The following CD44 variants were observed in gnomAD, a reference collection of about 807,000 sequenced individuals.
CD44 encodes CD44 molecule (IN blood group), also known as CD44 antigen.
In CD44, 49 loss-of-function variants were observed where a neutral mutation model predicts 88.8. The observed-to-expected ratio is 0.55, with a 90% confidence interval of 0.44 to 0.70. CD44 has a LOEUF of 0.70. CD44 is among the 30% of genes least tolerant of loss of function. The pLI is 0.00. For missense variants in CD44, 883 were observed against 913.8 expected (o/e 0.97, Z 0.43); for synonymous variants, 325 against 312.3 (o/e 1.04, Z -0.43).
intron 12 of CD44, among the ~76,000 whole-genome samples, chr11:35,208,998 AT>A (rs1399745964): frequency 6.6e-6 from 1 of 152,238 alleles, no homozygotes; most frequent in African/African-American, 2.4e-5. Context: ...AGCGTTAAGC[AT>A]CAAAGGAGAT....
At chr11:35,208,028 A>G (rs1948045091) in intron 11 of CD44, 77 bp from the exon 12 acceptor site, 2 of 828,786 alleles carry the variant, frequency 2.4e-6, no homozygotes, top group Admixed American at 1.8e-5. Flanking sequence ...ATTTAAAAAA[A>G]TCAGCTGTAG....
At chr11:35,222,487 C>A (rs895404884) in intron 17 of CD44, 33 of 1,233,582 alleles carry the variant, frequency 2.7e-5, no homozygotes, top group Non-Finnish European at 3.2e-5. Flanking sequence ...TAAATGAAGA[C>A]AGTCACCTCG....
chr11:35,155,542 A>G (rs934009992), intron 1 of CD44, among the ~76,000 whole-genome samples: 1 of 152,226 alleles, frequency 6.6e-6, no homozygotes, highest in African/African-American at 2.4e-5. Flanking sequence ...CTTATACTCA[A>G]TGATAATACC....
chr11:35,168,332 C>T (rs925315474), intron 1 of CD44, among the ~76,000 whole-genome samples: 2 of 152,318 alleles, frequency 1.3e-5, no homozygotes, highest in Admixed American at 6.5e-5. Context: ...AAACCCAGGT[C>T]CCCCAGTGAC....
At chr11:35,184,418 C>T (rs1327035914) in intron 3 of CD44, among the ~76,000 whole-genome samples, 1 of 152,144 alleles carries the variant, frequency 6.6e-6, no homozygotes, top group Non-Finnish European at 1.5e-5. Flanking sequence ...TGTTTCATCC[C>T]TGGCATCAAG....
intron 1 of CD44, among the ~76,000 whole-genome samples, chr11:35,155,505 G>T (rs796696034): frequency 2.6e-5 from 4 of 152,242 alleles, no homozygotes; most frequent in African/African-American, 9.6e-5. Flanking sequence ...GGGACACACT[G>T]CAGTTTGAGG....
chr11:35,157,424 C>T (rs1420856366), intron 1 of CD44, among the ~76,000 whole-genome samples: 1 of 151,976 alleles, frequency 6.6e-6, no homozygotes, highest in Non-Finnish European at 1.5e-5. Flanking sequence ...CTATCTCTAT[C>T]TATTAATTAT....
chr11:35,184,136 G>T (rs563135458), intron 3 of CD44, among the ~76,000 whole-genome samples: 14 of 151,910 alleles, frequency 9.2e-5, no homozygotes, highest in African/African-American at 3.4e-4. Flanking sequence ...GGAAAGAAAG[G>T]CTATCTAATA....
chr11:35,157,327 CT>C (rs974494878), intron 1 of CD44, among the ~76,000 whole-genome samples: 16 of 123,404 alleles, frequency 1.3e-4, no homozygotes, highest in Non-Finnish European at 2.7e-4. Context: ...GTCTGTCTAT[CT>C]ATCTATCTAT....
At chr11:35,155,051 AGT>A (rs1169009665) in intron 1 of CD44, among the ~76,000 whole-genome samples, 1 of 152,198 alleles carries the variant, frequency 6.6e-6, no homozygotes, top group African/African-American at 2.4e-5. Context: ...CAGAAGAAAG[AGT>A]GTATATTCAC....
intron 14 of CD44, 78 bp downstream of exon 14, chr11:35,211,527 T>TCC: frequency 9.4e-7 from 1 of 1,063,388 alleles, no homozygotes; most frequent in Non-Finnish European, 1.4e-6. Context: ...AGAGGACATT[T>TCC]TCTGTGTAGT....
At position 35,139,257 on chromosome 11, in the gene CD44, G is replaced by T. The variant is rs1172673403; in HGVS notation, c.-47G>T. On this transcript the variant is annotated 5_prime_UTR_variant, in exon 1 of 18. Coordinates refer to ENST00000428726, the MANE Select transcript of CD44 (RefSeq NM_000610.4). The stretch of plus-strand genomic sequence containing the variant: ...CGCCGGCCCCTGCCCCGCGCCCAGG[G>T]ATCCTCCAGCTCCTTTCGCCCGCGC... 1 of 1,496,514 alleles carries T rather than the reference G, an allele frequency of 6.7e-7. No homozygotes were observed. The highest frequency in any genetic ancestry group is 9.1e-7 in the Non-Finnish European group (1 of 1,096,844). The allele number at this position is 1,496,514 out of a possible 1,614,324, so 92.7% of individuals were successfully genotyped here. A position where few individuals can be genotyped will look rare whatever the true frequency, so the allele number is the denominator to read the frequency against.
At position 35,221,712 on chromosome 11, in the gene CD44, T is replaced by C. The variant is rs781376203; in HGVS notation, c.2004T>C (p.Ile668=). ...LALALILAVC[I]AVNSRRRCGQ... ...TGGCTTTGATTCTTGCAGTTTGCAT[T>C]GCAGTCAACAGTCGAAGAAGGTAAG... Residue 668 remains isoleucine, a synonymous_variant, in exon 17 of 18, where the codon ATT becomes ATC. Transcript: ENST00000428726. 1.9e-6 allele frequency: 3 copies of C among 1,614,126 alleles called. No homozygotes were observed. Among genetic ancestry groups the C allele is most frequent in the Admixed American group, 3.3e-5 (2 of 60,028 alleles).
chr11:35,203,796 A>G (rs1947547734), intron 9 of CD44, among the ~76,000 whole-genome samples: 1 of 152,152 alleles, frequency 6.6e-6, no homozygotes, highest in East Asian at 1.9e-4. Context: ...TGATGGAATT[A>G]TATTCTCTTG....
chr11:35,229,576 G>A lies in CD44; in HGVS notation c.*243G>A, dbSNP rs1949958668. 4 of 496,840 alleles carry A rather than the reference G, an allele frequency of 8.1e-6. No homozygotes were observed. The highest frequency in any genetic ancestry group is 1.4e-5 in the Non-Finnish European group (4 of 277,134). The allele number at this position is 496,840 out of a possible 1,614,324, so 30.8% of individuals were successfully genotyped here. The stretch of plus-strand genomic sequence containing the variant: ...AATCAGCAAGAATTTGATCGTTCCA[G>A]TTCCCACTTGGAGGCCTTTCATCCC... On this transcript the variant is annotated 3_prime_UTR_variant, in exon 18 of 18. Coordinates refer to ENST00000428726, the MANE Select transcript of CD44 (RefSeq NM_000610.4).
chr11:35,181,421 G>T (rs1170525983), intron 3 of CD44, among the ~76,000 whole-genome samples: 1 of 151,820 alleles, frequency 6.6e-6, no homozygotes, highest in African/African-American at 2.4e-5. Flanking sequence ...AGAATTTTTT[G>T]AGAAGGATCA....
chr11:35,229,211 G>A lies in CD44; in HGVS notation c.2107G>A (p.Ala703Thr), dbSNP rs1411650225. The change falls in exon 18 of 18, where the codon GCC (alanine) becomes ACC (threonine). Residue 703 changes from alanine to threonine, a missense_variant. Transcript: ENST00000428726. The stretch of plus-strand genomic sequence containing the variant: ...AAAGCCAAGTGGACTCAACGGAGAG[G>A]CCAGCAAGTCTCAGGAAATGGTGCA... Reference protein sequence around the residue: ...DRKPSGLNGEASKSQEMVHLV... With the variant: ...DRKPSGLNGETSKSQEMVHLV... 1.2e-6 allele frequency: 2 copies of A among 1,613,898 alleles called. No individual in the cohort carries two copies. Among genetic ancestry groups the A allele is most frequent in the African/African-American group, 1.3e-5 (1 of 74,912 alleles).
At chr11:35,177,885 A>T (rs1247543391) in intron 2 of CD44, among the ~76,000 whole-genome samples, 18 of 152,270 alleles carry the variant, frequency 1.2e-4, no homozygotes. Context: ...GTGCTCGGTT[A>T]GTCACCGATG....
chr11:35,205,473 G>A (rs2134103914), intron 10 of CD44, among the ~76,000 whole-genome samples: 1 of 152,326 alleles, frequency 6.6e-6, no homozygotes, highest in South Asian at 2.1e-4. Flanking sequence ...TCTATGTGGT[G>A]TAGTTGTTGC....
Sources: gnomAD v4.1 joint callset for allele counts (sites outside exome capture counted in the v4.1 genomes callset) on GRCh38, gnomAD v4.1.1 for gene constraint, MANE v1.5 for transcripts, NCBI Gene and HGNC (gene_info 2026-07-23, HGNC 2026-07-21) for gene names.